The following ATRX variants were observed in gnomAD, a reference collection of about 807,000 sequenced individuals.
The protein encoded by ATRX is chromatin remodeler ATRX.
ATRX carries 12 observed loss-of-function variants against 172.6 expected under a neutral mutation model. That is an observed-to-expected ratio of 0.07 (90% CI 0.04 to 0.11). The LOEUF is 0.11. ATRX is among the 10% of genes least tolerant of loss of function. The probability of loss-of-function intolerance (pLI) is 1.00; values close to 1 mark genes in which losing one functional copy is unlikely to be tolerated. For missense variants in ATRX, 1,368 were observed against 1,767.4 expected (o/e 0.77, Z 4.05); for synonymous variants, 674 against 594.7 (o/e 1.13, Z -1.94).
At chrX:77,697,050 G>A (rs782118306) in intron 4 of ATRX, among the ~76,000 whole-genome samples, 7 of 111,825 alleles carry the variant, frequency 6.3e-5, no homozygotes, top group Admixed American at 9.5e-5. Context: ...TAGACTAAGC[G>A]GCAAACTTCT....
At position 77,684,126 on chromosome X, in the gene ATRX, G is replaced by A. The variant is rs781955237; in HGVS notation, c.1130C>T (p.Ala377Val). ...NSSYVKFLKQ[A>V]TDNSEISSAT... is the part of the protein sequence containing the mutation. Reference sequence around the variant, plus strand: ...AGAACTGATTTCTGAATTATCTGTTGCCTGCTTTAAAAATTTAACATAACT... The same window carrying A: ...AGAACTGATTTCTGAATTATCTGTTACCTGCTTTAAAAATTTAACATAACT... The change falls in exon 9 of 35, where the codon GCA (alanine) becomes GTA (valine). Residue 377 changes from alanine to valine, a missense_variant. Ala to Val is a moderately conservative substitution (Grantham distance 64). Transcript: ENST00000373344. The A allele has an allele frequency of 2.3e-5, 28 of 1,205,469 alleles. No homozygotes were observed. The highest frequency in any genetic ancestry group is 3.0e-5 in the Non-Finnish European group (27 of 892,308).
chrX:77,786,060 C>T lies in ATRX; in HGVS notation c.-59G>A. The stretch of plus-strand genomic sequence containing the variant: ...TTGCTGGGCGCCGATCTGCGCTCCC[C>T]CGCGCCCGGTTACGATAGAAATGCA... On this transcript the variant is annotated 5_prime_UTR_variant, in exon 1 of 35. Transcript: ENST00000373344. 1 of 1,143,802 alleles carries T rather than the reference C, an allele frequency of 8.7e-7. No individual in the cohort carries two copies. The highest frequency in any genetic ancestry group is 1.2e-6 in the Non-Finnish European group (1 of 851,158). The allele number at this position is 1,143,802 out of a possible 1,213,427, so 94.3% of individuals were successfully genotyped here.
intron 1 of ATRX, among the ~76,000 whole-genome samples, chrX:77,767,228 G>A (rs2075996185): frequency 9.3e-6 from 1 of 107,167 alleles, no homozygotes; most frequent in Non-Finnish European, 1.9e-5. Context: ...GGGAGAGGGA[G>A]ACCGTGGGGA....
At chrX:77,634,142 CAACTCCTGCCATTT>C (rs1455723963) in intron 17 of ATRX, among the ~76,000 whole-genome samples, 1 of 103,895 alleles carries the variant, frequency 9.6e-6, no homozygotes, top group Non-Finnish European at 1.9e-5. Context: ...ATCTCTGCTA[CAACTCCTGCCATTT>C]AGAAATGCAG....
intron 1 of ATRX, among the ~76,000 whole-genome samples, chrX:77,752,659 G>C (rs1479793083): frequency 8.9e-6 from 1 of 111,879 alleles, no homozygotes; most frequent in Admixed American, 9.5e-5. Context: ...GTAATTTATT[G>C]AGAGTTTCTA....
chrX:77,697,079 T>C (rs1370174104), intron 4 of ATRX, among the ~76,000 whole-genome samples: 1 of 112,280 alleles, frequency 8.9e-6, no homozygotes, highest in Non-Finnish European at 1.9e-5. Context: ...TTATACTGCA[T>C]AGTATATTGG....
At chrX:77,703,917 G>T (rs1387112083) in intron 2 of ATRX, among the ~76,000 whole-genome samples, 1 of 111,089 alleles carries the variant, frequency 9.0e-6, no homozygotes, top group Non-Finnish European at 1.9e-5. Context: ...TACTACAAGT[G>T]TTCAGCTCCT....
At chrX:77,724,084 G>C (rs2073909782) in intron 1 of ATRX, among the ~76,000 whole-genome samples, 1 of 110,861 alleles carries the variant, frequency 9.0e-6, no homozygotes, top group African/African-American at 3.3e-5. Context: ...TTCCAGACCA[G>C]CCTGGCCAAC....
At chrX:77,604,039 A>G (rs1429996825) in intron 22 of ATRX, among the ~76,000 whole-genome samples, 1 of 112,546 alleles carries the variant, frequency 8.9e-6, no homozygotes, top group African/African-American at 3.2e-5. Context: ...CTAGAAGTAA[A>G]CCTAGAGAAG....
At chrX:77,693,774 T>C (rs1557148307) in intron 6 of ATRX, 50 bp downstream of exon 6, 25 of 1,015,024 alleles carry the variant, frequency 2.5e-5, no homozygotes, top group Non-Finnish European at 3.3e-5. Context: ...TTTTCCAATA[T>C]GGTCATAAAC....
intron 2 of ATRX, among the ~76,000 whole-genome samples, chrX:77,701,904 A>G (rs1557153843): frequency 9.4e-6 from 1 of 106,749 alleles, no homozygotes. Context: ...CATCTCTACT[A>G]AAAGTACAGA....
chrX:77,775,940 C>T (rs1393491454), intron 1 of ATRX, among the ~76,000 whole-genome samples: 1 of 110,517 alleles, frequency 9.0e-6, no homozygotes, highest in African/African-American at 3.3e-5. Flanking sequence ...CCATGTTGGC[C>T]AGGCTGGTCT....
At chrX:77,708,997 A>T (rs911481205) in intron 2 of ATRX, among the ~76,000 whole-genome samples, 10 of 112,463 alleles carry the variant, frequency 8.9e-5, no homozygotes, top group Admixed American at 2.8e-4. Flanking sequence ...GCTTGAGGCC[A>T]GGAGTCTGAG....
At chrX:77,589,991 T>A in intron 26 of ATRX, 51 bp from the exon 27 acceptor site, 1 of 994,223 alleles carries the variant, frequency 1.0e-6, no homozygotes, top group Non-Finnish European at 1.4e-6. Context: ...AGTAAAGATA[T>A]CACTTCTTCC....
chrX:77,781,549 C>T (rs1464740026), intron 1 of ATRX, among the ~76,000 whole-genome samples: 1 of 109,149 alleles, frequency 9.2e-6, no homozygotes, highest in African/African-American at 3.3e-5. Flanking sequence ...TAGACTTTAT[C>T]AATATCTATT....
intron 27 of ATRX, among the ~76,000 whole-genome samples, chrX:77,582,364 T>C (rs782535687): frequency 9.3e-6 from 1 of 107,012 alleles, no homozygotes; most frequent in Admixed American, 1.0e-4. Flanking sequence ...TGCGCCACTG[T>C]ATTCCAGCCT....
At chrX:77,740,053 CAAAAAAAAA>C (rs781860181) in intron 1 of ATRX, among the ~76,000 whole-genome samples, 5 of 47,053 alleles carry the variant, frequency 1.1e-4, no homozygotes, top group African/African-American at 4.5e-4. Context: ...AACTCCATCC[CAAAAAAAAA>C]AAAAAAAAAA....
intron 10 of ATRX, among the ~76,000 whole-genome samples, chrX:77,668,931 G>A (rs2070402921): frequency 1.8e-5 from 2 of 110,473 alleles, no homozygotes; most frequent in Non-Finnish European, 1.9e-5. Context: ...TTGTTTAAAC[G>A]CTCAAACAGG....
At chrX:77,734,048 G>GA (rs1262208658) in intron 1 of ATRX, among the ~76,000 whole-genome samples, 1 of 99,216 alleles carries the variant, frequency 1.0e-5, no homozygotes, top group Admixed American at 1.1e-4. Context: ...CTAAAAATAC[G>GA]AAAAAAAAAT....
Sources: allele counts gnomAD v4.1 joint callset (sites outside exome capture counted in the v4.1 genomes callset), GRCh38; gene constraint gnomAD v4.1.1; transcripts MANE v1.5; gene names NCBI Gene and HGNC (gene_info 2026-07-23, HGNC 2026-07-21).